The following IQSEC3 variants were observed in gnomAD, a reference collection of about 807,000 sequenced individuals.
The protein encoded by IQSEC3 is IQ motif and Sec7 domain ArfGEF 3.
A neutral mutation model predicts 105.4 loss-of-function variants in IQSEC3; 50 were observed. The ratio of observed to expected loss-of-function variants is 0.47; its 90% confidence interval spans 0.38 to 0.60. The LOEUF is 0.60. IQSEC3 is among the 20% of genes least tolerant of loss of function. The probability of loss-of-function intolerance (pLI) is 0.00; values close to 1 mark genes in which losing one functional copy is unlikely to be tolerated. For missense variants in IQSEC3, 1,415 were observed against 1,630.0 expected (o/e 0.87, Z 2.27); for synonymous variants, 708 against 746.0 (o/e 0.95, Z 0.83).
chr12:157,424 C>G, intron 6 of IQSEC3, 104 bp from the exon 7 acceptor site: 2 of 1,322,798 alleles, frequency 1.5e-6, no homozygotes, highest in Non-Finnish European at 1.0e-6. Context: ...GGACCTAAAG[C>G]CTTCGGAGAG....
intron 1 of IQSEC3, among the ~76,000 whole-genome samples, chr12:73,625 G>A (rs1434249653): frequency 1.3e-5 from 2 of 152,154 alleles, no homozygotes; most frequent in East Asian, 3.8e-4. Context: ...AGCTGAGATT[G>A]CGCCACTGCA....
chr12:163,065 G>C (rs1179022626), intron 8 of IQSEC3, among the ~76,000 whole-genome samples: 2 of 152,020 alleles, frequency 1.3e-5, no homozygotes, highest in Non-Finnish European at 2.9e-5. Context: ...GGGGGTGAAC[G>C]TGCGAGGGAA....
Position 96,591 on chromosome 12 carries a change from CTGTCATG to C in IQSEC3, c.555-2552_555-2546del, listed in dbSNP as rs751447918. ...TTCAGTTTCTTTCAGGGCCTGCTAC[CTGTCATG>C]TGATGCTATACTAGAGTCAGGTTGG... On this transcript the variant is annotated intron_variant, in intron 1 of 13. Transcript: ENST00000538872. Among the ~76,000 whole-genome samples, 171 of 152,296 alleles carry C rather than the reference CTGTCATG, an allele frequency of 1.1e-3. 1 individual carries two copies. The highest frequency in any genetic ancestry group is 2.3e-3 in the South Asian group (11 of 4,820).
intron 9 of IQSEC3, among the ~76,000 whole-genome samples, chr12:164,191 G>C (rs544174310): frequency 2.6e-5 from 4 of 152,318 alleles, no homozygotes; most frequent in South Asian, 2.1e-4. Flanking sequence ...CAGGGCTTGT[G>C]TCTCCCTCGC....
intron 1 of IQSEC3, among the ~76,000 whole-genome samples, chr12:73,892 C>A (rs1555068263): frequency 1.3e-5 from 2 of 152,268 alleles, no homozygotes; most frequent in African/African-American, 2.4e-5. Context: ...ATCCACCATC[C>A]CTCTGTGATC....
At position 125,833 on chromosome 12, in the gene IQSEC3, C is replaced by G. The variant is rs1865375959; in HGVS notation, c.824C>G (p.Pro275Arg). 1 of 1,531,518 alleles carries G rather than the reference C, an allele frequency of 6.5e-7. No individual in the cohort carries two copies. The highest frequency in any genetic ancestry group is 8.7e-7 in the Non-Finnish European group (1 of 1,145,454). 94.9% of individuals were successfully genotyped at this position (1,531,518 alleles called of 1,614,324 possible). ...AAGGCCTCCCCCGGCCGGCAGCAGC[C>G]TGCCCTGGCGACGGCGCTGTGCCCC... The part of the protein sequence containing the change: ...QHKASPGRQQ[P>R]ALATALCPHA... Residue 275 changes from proline to arginine, a missense_variant, in exon 3 of 14, where the codon CCT becomes CGT. This residue lies in a region of IQSEC3 where 720 missense variants were observed against 633.0 expected (regional missense o/e 1.14). Transcript: ENST00000538872.
rs1225035094 is a variant in IQSEC3, at chr12:157,557, T to C, written c.2306T>C (p.Val769Ala). 6.2e-7 allele frequency: 1 copy of C among 1,614,040 alleles called. No homozygotes were observed. Among genetic ancestry groups the C allele is most frequent in the Non-Finnish European group, 8.5e-7 (1 of 1,179,954 alleles). The change falls in exon 7 of 14, where the codon GTG becomes GCG. Residue 769 changes from valine (V) to alanine (A), a missense_variant. Coordinates refer to ENST00000538872, the MANE Select transcript of IQSEC3 (RefSeq NM_001170738.2). Reference protein sequence around the residue: ...SQRYCMCNPEVVQQFHNPDTI... With the variant: ...SQRYCMCNPEAVQQFHNPDTI... ...CGCTACTGCATGTGCAACCCCGAAG[T>C]GGTTCAGCAGTTCCACAACCCCGAC...
In IQSEC3 at chr12:178,178, C is replaced by G. The variant is rs551528213; in HGVS notation, c.*3145C>G. On this transcript the variant is annotated 3_prime_UTR_variant, in exon 14 of 14. Coordinates refer to ENST00000538872, the MANE Select transcript of IQSEC3 (RefSeq NM_001170738.2). ...CTGCGTCTTCGAGCCCCTGTGCCAC[C>G]GGTCCCCACGGCCCGCCAGGAGTCT... 6.7e-6 allele frequency: 1 copy of G among 150,020 alleles called. No individual in the cohort carries two copies. The highest frequency in any genetic ancestry group is 1.9e-4 in the East Asian group (1 of 5,172). 9.3% of individuals were successfully genotyped at this position (150,020 alleles called of 1,614,324 possible).
At chr12:86,035 AT>A (rs1478348988) in intron 1 of IQSEC3, among the ~76,000 whole-genome samples, 2 of 152,228 alleles carry the variant, frequency 1.3e-5, no homozygotes, top group African/African-American at 4.8e-5. Flanking sequence ...GTAGAGATGA[AT>A]TGGTCACAGG....
intron 2 of IQSEC3, among the ~76,000 whole-genome samples, chr12:115,011 T>A (rs1225095954): frequency 2.6e-5 from 4 of 152,208 alleles, no homozygotes; most frequent in Admixed American, 2.6e-4. Context: ...CATGAAAGCC[T>A]GGAGCTAGAT....
chr12:79,643 G>T (rs541569574), intron 1 of IQSEC3, among the ~76,000 whole-genome samples: 13 of 152,156 alleles, frequency 8.5e-5, no homozygotes, highest in African/African-American at 2.9e-4. Flanking sequence ...TGTTGCCCAG[G>T]CTGGTCTCGA....
intron 2 of IQSEC3, among the ~76,000 whole-genome samples, chr12:101,238 C>T (rs1864412282): frequency 6.6e-6 from 1 of 152,180 alleles, no homozygotes; most frequent in Non-Finnish European, 1.5e-5. Context: ...CACCTGCAGC[C>T]CTAGCTCCAG....
chr12:76,411 G>A (rs1371140114), intron 1 of IQSEC3, among the ~76,000 whole-genome samples: 1 of 152,254 alleles, frequency 6.6e-6, no homozygotes, highest in Non-Finnish European at 1.5e-5. Flanking sequence ...TTACTGACTT[G>A]GGCTGGGGGA....
chr12:155,693 C>T (rs117735728), intron 5 of IQSEC3, among the ~76,000 whole-genome samples: 2,826 of 152,218 alleles, frequency 0.019, 39 homozygotes, highest in Non-Finnish European at 0.03. Context: ...AGTGGGTCCA[C>T]CTCAGAGCTC....
chr12:150,767 G>T (rs1555092432), intron 5 of IQSEC3, among the ~76,000 whole-genome samples: 1 of 152,138 alleles, frequency 6.6e-6, no homozygotes, highest in African/African-American at 2.4e-5. Context: ...GGAAGTGGAG[G>T]CAGCAAAGAG....
chr12:96,690 G>T (rs1864250861), intron 1 of IQSEC3, among the ~76,000 whole-genome samples: 1 of 152,148 alleles, frequency 6.6e-6, no homozygotes, highest in Admixed American at 6.5e-5. Context: ...GCTCTGTTAA[G>T]ACTGTTTTAA....
intron 2 of IQSEC3, 34 bp downstream of exon 2, chr12:99,248 C>T (rs1864342500): frequency 1.3e-6 from 2 of 1,580,006 alleles, no homozygotes; most frequent in South Asian, 1.1e-5. Flanking sequence ...CTTCCGCATC[C>T]CCACCTTCCT....
intron 1 of IQSEC3, among the ~76,000 whole-genome samples, chr12:76,025 C>T (rs544769815): frequency 6.6e-6 from 1 of 152,360 alleles, no homozygotes; most frequent in South Asian, 2.1e-4. Context: ...CCCCCAGCCT[C>T]TGACCACTCT....
In IQSEC3 at chr12:121,423, G is replaced by A. The variant is rs74055563; in HGVS notation, c.624-4210G>A. The stretch of plus-strand genomic sequence containing the variant: ...CTTGATGCTCAGCCACCAAAGAGAG[G>A]GTGTAAGGACTCAGGCCTCTGCTGT... On this transcript the variant is annotated intron_variant, in intron 2 of 13. Coordinates refer to ENST00000538872, the MANE Select transcript of IQSEC3 (RefSeq NM_001170738.2). Among the ~76,000 whole-genome samples the A allele has an allele frequency of 8.4e-3, 1,273 of 152,262 alleles. 19 individuals carry two copies. The highest frequency in any genetic ancestry group is 0.029 in the African/African-American group (1,200 of 41,562).
Sources: gnomAD v4.1 joint callset for allele counts (sites outside exome capture counted in the v4.1 genomes callset) on GRCh38, gnomAD v4.1.1 for gene constraint, gnomAD v4.1.1 regional missense constraint, MANE v1.5 for transcripts, NCBI Gene and HGNC (gene_info 2026-07-23, HGNC 2026-07-21) for gene names.